Variants in GALNT18 observed in about 807,000 individuals in gnomAD.
GALNT18 encodes GalNAc-transferase 18.
In GALNT18, 44 loss-of-function variants were observed where a neutral mutation model predicts 69.5. The ratio of observed to expected loss-of-function variants is 0.63; its 90% confidence interval spans 0.50 to 0.81. GALNT18 has a LOEUF of 0.81. Ranked by LOEUF, GALNT18 falls within the 40% of genes least tolerant of loss-of-function variation. The pLI is 0.00. For synonymous variants in GALNT18, 364 were observed against 318.2 expected (o/e 1.14, Z -1.53); for missense variants, 715 against 810.0 (o/e 0.88, Z 1.42).
chr11:11,331,886 C>T (rs542794580), intron 8 of GALNT18, among the ~76,000 whole-genome samples: 41 of 152,114 alleles, frequency 2.7e-4, no homozygotes, highest in Non-Finnish European at 5.0e-4. Context: ...AAATACCTTA[C>T]GGCATTTGAC....
chr11:11,580,391 T>C (rs1051930421), intron 1 of GALNT18, among the ~76,000 whole-genome samples: 2 of 152,210 alleles, frequency 1.3e-5, no homozygotes, highest in South Asian at 2.1e-4. Context: ...GTCCCTGAGA[T>C]GTAGCCATGA....
rs12575170 is a variant in GALNT18 at position 11,604,904 on chromosome 11, G to A, written c.235+16455C>T. ...GGAAAATAAAATCACTGCTCTCCTCGGTTGACCCACTGGCTATTGCTCCTG... is the reference window on the plus strand; with the variant it reads ...GGAAAATAAAATCACTGCTCTCCTCAGTTGACCCACTGGCTATTGCTCCTG... On this transcript the variant is annotated intron_variant, in intron 1 of 10. Coordinates refer to ENST00000227756, the MANE Select transcript of GALNT18 (RefSeq NM_198516.3). This position sits in a 1 kb window ranked among gnomAD's most constrained non-coding sequence, Gnocchi z 5.6. 0.13 allele frequency among the ~76,000 whole-genome samples: 19,629 copies of A among 151,966 alleles called. 1,567 individuals are homozygous for A. Among genetic ancestry groups the A allele is most frequent in the South Asian group, 0.26 (1,262 of 4,796 alleles).
intron 1 of GALNT18, among the ~76,000 whole-genome samples, chr11:11,524,976 T>C (rs1857486437): frequency 6.6e-6 from 1 of 152,028 alleles, no homozygotes; most frequent in Admixed American, 6.5e-5. Context: ...TCCAGGAGGC[T>C]CCCAGAGGAT....
In GALNT18 at chr11:11,480,380, G is replaced by A. The variant is rs1856499507; in HGVS notation, c.236-31444C>T. Among the ~76,000 whole-genome samples, 4 of 151,952 alleles carry A rather than the reference G, an allele frequency of 2.6e-5. No individual in the cohort carries two copies. The South Asian group carries it at 8.3e-4, about 32-fold the overall frequency. ...CATTCTGAGTTCTACTCTGTCCCTT[G>A]GATAATGGTGAAATCTATTCATTCT... On this transcript the variant is annotated intron_variant, in intron 1 of 10. Coordinates refer to ENST00000227756, the MANE Select transcript of GALNT18 (RefSeq NM_198516.3). This position sits in a 1 kb window ranked among gnomAD's most constrained non-coding sequence, Gnocchi z 4.6.
In GALNT18 at chr11:11,421,090, G is replaced by A. The variant is rs1854994763; in HGVS notation, c.595+11531C>T. On this transcript the variant is annotated intron_variant, in intron 3 of 10. Transcript: ENST00000227756. The surrounding 1 kb of genome is among the most constrained non-coding windows in gnomAD (Gnocchi z 5.6). ...CCCAGGTGCTGTCCTTCGTCAGCAGGGTAGCATGCTGGGGAGTTCCTGATT... is the reference window on the plus strand; with the variant it reads ...CCCAGGTGCTGTCCTTCGTCAGCAGAGTAGCATGCTGGGGAGTTCCTGATT... 6.6e-6 allele frequency among the ~76,000 whole-genome samples: 1 copy of A among 152,106 alleles called. No homozygotes were observed. Among genetic ancestry groups the A allele is most frequent in the African/African-American group, 2.4e-5 (1 of 41,408 alleles).
chr11:11,451,837 C>A (rs964935687), intron 1 of GALNT18, among the ~76,000 whole-genome samples: 2 of 152,200 alleles, frequency 1.3e-5, no homozygotes, highest in Non-Finnish European at 1.5e-5. Context: ...CAAGGCCACC[C>A]AGTGTGTCAG....
intron 6 of GALNT18, among the ~76,000 whole-genome samples, chr11:11,345,657 GA>G (rs912168730): frequency 2.0e-5 from 3 of 152,190 alleles, no homozygotes; most frequent in African/African-American, 7.2e-5. Context: ...CTGTGCTGGG[GA>G]AGCAGGGCAG....
At chr11:11,593,190 TC>T (rs1380118627) in intron 1 of GALNT18, among the ~76,000 whole-genome samples, 1 of 152,164 alleles carries the variant, frequency 6.6e-6, no homozygotes, top group East Asian at 1.9e-4. Context: ...TTTAAGTCTG[TC>T]CAATGCAGCT....
Position 11,432,446 on chromosome 11 carries a change from A to C in GALNT18, c.595+175T>G, listed in dbSNP as rs892488166. Reference sequence around the variant, plus strand: ...CAGACCCCTCTGGGATGCAGAGGCCATGCTCAGACGGAGTGAACCTTCTGA... The same window carrying C: ...CAGACCCCTCTGGGATGCAGAGGCCCTGCTCAGACGGAGTGAACCTTCTGA... On this transcript the variant is annotated intron_variant, in intron 3 of 10. Transcript: ENST00000227756. The surrounding 1 kb of genome is among the most constrained non-coding windows in gnomAD (Gnocchi z 5.8). Among the ~76,000 whole-genome samples the C allele has an allele frequency of 1.3e-5, 2 of 152,226 alleles. No homozygotes were observed. The highest frequency in any genetic ancestry group is 4.1e-4 in the South Asian group (2 of 4,824).
intron 3 of GALNT18, among the ~76,000 whole-genome samples, chr11:11,420,905 G>C (rs1215505361): frequency 6.6e-6 from 1 of 152,158 alleles, no homozygotes; most frequent in African/African-American, 2.4e-5. Flanking sequence ...CAGCTGACCA[G>C]GGGAAGAAGG....
intron 6 of GALNT18, among the ~76,000 whole-genome samples, chr11:11,350,940 TG>T (rs1177590491): frequency 6.6e-6 from 1 of 152,202 alleles, no homozygotes; most frequent in Non-Finnish European, 1.5e-5. Context: ...CCAGCAGTTC[TG>T]AGAGCTGCTG....
At chr11:11,424,145 C>T (rs1338855296) in intron 3 of GALNT18, among the ~76,000 whole-genome samples, 1 of 152,214 alleles carries the variant, frequency 6.6e-6, no homozygotes, top group Non-Finnish European at 1.5e-5. Flanking sequence ...AGATGCAGGA[C>T]CCCAGCCATC....
rs1422551977 is a variant in GALNT18 at position 11,339,176 on chromosome 11, C to T, written c.1278+1643G>A. 4.6e-5 allele frequency among the ~76,000 whole-genome samples: 7 copies of T among 152,188 alleles called. No homozygotes were observed. The highest frequency in any genetic ancestry group is 4.1e-4 in the South Asian group (2 of 4,824). On this transcript the variant is annotated intron_variant, in intron 7 of 10. Coordinates refer to ENST00000227756, the MANE Select transcript of GALNT18 (RefSeq NM_198516.3). This position sits in a 1 kb window ranked among gnomAD's most constrained non-coding sequence, Gnocchi z 5.2. ...ATTTTCGGAAACACACTGATCCTTT[C>T]CTTCTCCACCTAAGGCTTTATCCTG...
rs572271038 is a variant in GALNT18 at position 11,326,929 on chromosome 11, G to A, written c.1512+157C>T. On this transcript the variant is annotated intron_variant, in intron 9 of 10. Transcript: ENST00000227756. ...GTGTGACCCATCCTCTTCAGCTCAT[G>A]AGGATGTGCCCTAATGAAAAGCCCC... is the stretch of plus-strand genomic sequence containing the variant. 2.0e-5 allele frequency among the ~76,000 whole-genome samples: 3 copies of A among 152,302 alleles called. No homozygotes were observed. In the East Asian group the frequency reaches 5.8e-4, roughly 29 times the overall value.
chr11:11,300,465 G>GCAGT (rs914597198), intron 9 of GALNT18, among the ~76,000 whole-genome samples: 5 of 152,210 alleles, frequency 3.3e-5, no homozygotes, highest in Non-Finnish European at 7.3e-5. Context: ...CAGCATCCTT[G>GCAGT]CAGTCATTTC....
intron 1 of GALNT18, among the ~76,000 whole-genome samples, chr11:11,554,269 G>A (rs1003820331): frequency 3.3e-5 from 5 of 152,224 alleles, no homozygotes; most frequent in African/African-American, 1.2e-4. Flanking sequence ...GTTCCCCTTT[G>A]CCACAGCCTG....
chr11:11,366,068 G>A (rs1445085478), intron 6 of GALNT18, among the ~76,000 whole-genome samples: 1 of 152,202 alleles, frequency 6.6e-6, no homozygotes, highest in African/African-American at 2.4e-5. Flanking sequence ...TGGCAGTAGG[G>A]TCAGAGGTAT....
rs1590147766 is a variant in GALNT18, at chr11:11,621,773, T to C, written c.-180A>G. 1.7e-6 allele frequency: 1 copy of C among 599,872 alleles called. No individual in the cohort carries two copies. Among genetic ancestry groups the C allele is most frequent in the Non-Finnish European group, 3.0e-6 (1 of 338,216 alleles). The allele number at this position is 599,872 out of a possible 1,614,324, so 37.2% of individuals were successfully genotyped here. ...TAGCCGCCGTGCCCAAGTTTGCAGC[T>C]CCTGCCGCTGGCCACCCGGAGAGAC... On this transcript the variant is annotated 5_prime_UTR_variant, in exon 1 of 11. Coordinates refer to ENST00000227756, the MANE Select transcript of GALNT18 (RefSeq NM_198516.3). This position sits in a 1 kb window ranked among gnomAD's most constrained non-coding sequence, Gnocchi z 9.3.
intron 1 of GALNT18, among the ~76,000 whole-genome samples, chr11:11,487,824 C>A (rs1856675564): frequency 6.6e-6 from 1 of 152,238 alleles, no homozygotes; most frequent in Non-Finnish European, 1.5e-5. Flanking sequence ...CCTGAGCTCA[C>A]TTTTCTGATG....
Sources: allele counts gnomAD v4.1 joint callset (sites outside exome capture counted in the v4.1 genomes callset), GRCh38; gene constraint gnomAD v4.1.1; non-coding constraint Gnocchi (gnomAD v3.1); transcripts MANE v1.5; gene names NCBI Gene and HGNC (gene_info 2026-07-23, HGNC 2026-07-21).